The following FSIP1 variants were observed in gnomAD, a reference collection of about 807,000 sequenced individuals.
FSIP1 encodes the protein fibrous sheath-interacting protein 1.
A neutral mutation model predicts 60.9 loss-of-function variants in FSIP1; 65 were observed. The observed-to-expected ratio is 1.07, with a 90% CI of 0.87 to 1.31. The LOEUF is 1.31. FSIP1 is among the 40% of genes most tolerant of loss of function. The pLI is 0.00. For synonymous variants in FSIP1, 209 were observed against 221.2 expected, an observed-to-expected ratio of 0.94 and a Z score of 0.49; for missense variants, 675 against 665.5, an observed-to-expected ratio of 1.01 and a Z score of -0.16.
intron 10 of FSIP1, among the ~76,000 whole-genome samples, chr15:39,624,093 G>A (rs1891545493): frequency 6.6e-6 from 1 of 152,158 alleles, no homozygotes; most frequent in Non-Finnish European, 1.5e-5. Flanking sequence ...GTCCACCACT[G>A]GTCCAAACAT....
intron 10 of FSIP1, among the ~76,000 whole-genome samples, chr15:39,637,440 T>C (rs934974124): frequency 2.0e-5 from 3 of 152,164 alleles, no homozygotes; most frequent in Admixed American, 6.5e-5. Context: ...TTAAGGCTGC[T>C]CCTTCCACTG....
At chr15:39,681,060 A>G (rs1300044958) in intron 10 of FSIP1, among the ~76,000 whole-genome samples, 1 of 152,142 alleles carries the variant, frequency 6.6e-6, no homozygotes, top group Admixed American at 6.5e-5. Flanking sequence ...CCCTTCTACA[A>G]AGCATTCCAA....
chr15:39,684,897 G>T (rs1894303801), intron 10 of FSIP1, among the ~76,000 whole-genome samples: 1 of 152,160 alleles, frequency 6.6e-6, no homozygotes. Context: ...CTGGGGCATA[G>T]AGGGTCAAGT....
At chr15:39,648,324 A>G (rs1414504874) in intron 10 of FSIP1, among the ~76,000 whole-genome samples, 1 of 152,190 alleles carries the variant, frequency 6.6e-6, no homozygotes, top group Non-Finnish European at 1.5e-5. Flanking sequence ...GATATTTGCC[A>G]AATGTCCATA....
intron 11 of FSIP1, among the ~76,000 whole-genome samples, chr15:39,609,888 G>C (rs536696409): frequency 3.9e-5 from 6 of 152,336 alleles, no homozygotes; most frequent in Admixed American, 3.3e-4. Context: ...CAGCCAGCAG[G>C]CTGGCCCAAC....
At chr15:39,635,928 AT>A (rs888684856) in intron 10 of FSIP1, among the ~76,000 whole-genome samples, 8 of 150,594 alleles carry the variant, frequency 5.3e-5, no homozygotes, top group Non-Finnish European at 1.0e-4. Context: ...GAACAGCCAA[AT>A]TTTTTTTTTC....
chr15:39,738,292 G>T, intron 7 of FSIP1, 91 bp from the exon 8 acceptor site: 1 of 740,802 alleles, frequency 1.3e-6, no homozygotes, highest in Non-Finnish European at 2.2e-6. Flanking sequence ...CTACACTACA[G>T]ATACACAAAG....
chr15:39,617,068 G>T (rs1891257327), intron 11 of FSIP1, among the ~76,000 whole-genome samples: 1 of 152,106 alleles, frequency 6.6e-6, no homozygotes, highest in Non-Finnish European at 1.5e-5. Flanking sequence ...ATTTAATAAG[G>T]AATAGATTAA....
chr15:39,781,733 G>C (rs1898271234), intron 1 of FSIP1, among the ~76,000 whole-genome samples: 1 of 152,248 alleles, frequency 6.6e-6, no homozygotes, highest in Non-Finnish European at 1.5e-5. Context: ...CAGGGTGTTT[G>C]CTTCCATCAA....
chr15:39,695,463 T>C (rs1356433196), intron 10 of FSIP1, among the ~76,000 whole-genome samples: 2 of 152,124 alleles, frequency 1.3e-5, no homozygotes, highest in Non-Finnish European at 2.9e-5. Context: ...TTATTGTTTA[T>C]ATACTCCCAT....
chr15:39,743,656 TTAA>T (rs1344130818), intron 5 of FSIP1, among the ~76,000 whole-genome samples: 1 of 152,168 alleles, frequency 6.6e-6, no homozygotes, highest in African/African-American at 2.4e-5. Context: ...AGATAATTTA[TTAA>T]TTACCAAAGG....
chr15:39,700,999 A>G (rs1367423586), intron 10 of FSIP1, among the ~76,000 whole-genome samples: 1 of 152,110 alleles, frequency 6.6e-6, no homozygotes, highest in East Asian at 1.9e-4. Flanking sequence ...AAAAAATACA[A>G]AAATTAGCTG....
chr15:39,624,117 C>T lies in FSIP1; in HGVS notation c.1189-5872G>A, dbSNP rs61029226. On this transcript the variant is annotated intron_variant, in intron 10 of 11. Coordinates refer to ENST00000350221, the MANE Select transcript of FSIP1 (RefSeq NM_152597.5). ...TGGTCCAAACATCTGAACTGAGGGT[C>T]ACATGGTAGAAACACAACCATCCAA... 2.2e-3 allele frequency among the ~76,000 whole-genome samples: 339 copies of T among 152,324 alleles called. 1 individual carries two copies. Among genetic ancestry groups the T allele is most frequent in the Middle Eastern group, 0.01 (3 of 294 alleles).
intron 10 of FSIP1, among the ~76,000 whole-genome samples, chr15:39,662,587 G>A (rs1282860541): frequency 1.3e-5 from 2 of 151,970 alleles, no homozygotes; most frequent in African/African-American, 2.4e-5. Context: ...CAGCAGTGAG[G>A]TCTTCTCTAG....
chr15:39,690,514 TC>T (rs983125586), intron 10 of FSIP1, among the ~76,000 whole-genome samples: 4 of 152,192 alleles, frequency 2.6e-5, no homozygotes, highest in African/African-American at 9.7e-5. Context: ...TAGCAACAAT[TC>T]CAGTATCTCC....
chr15:39,613,500 C>T (rs1229351389), intron 11 of FSIP1, among the ~76,000 whole-genome samples: 1 of 152,148 alleles, frequency 6.6e-6, no homozygotes, highest in Non-Finnish European at 1.5e-5. Flanking sequence ...GGCCAGATGG[C>T]TTTACTACTG....
At chr15:39,738,309 T>C (rs1215931240) in intron 7 of FSIP1, 108 bp from the exon 8 acceptor site, 7 of 665,064 alleles carry the variant, frequency 1.1e-5, no homozygotes, top group Non-Finnish European at 1.7e-5. Flanking sequence ...AAAGAAAAGT[T>C]GCAAGATTAG....
intron 1 of FSIP1, among the ~76,000 whole-genome samples, 178 bp from the exon 2 acceptor site, chr15:39,776,709 A>G (rs967970212): frequency 2.0e-5 from 3 of 152,170 alleles, no homozygotes; most frequent in Admixed American, 2.0e-4. Flanking sequence ...GGATTGTTCA[A>G]TCTTATGCCA....
At chr15:39,613,488 A>T (rs1275877119) in intron 11 of FSIP1, among the ~76,000 whole-genome samples, 1 of 152,222 alleles carries the variant, frequency 6.6e-6, no homozygotes, top group Non-Finnish European at 1.5e-5. Flanking sequence ...AAAAAGGCCC[A>T]GGGCCAGATG....
Sources: gnomAD v4.1 joint callset for allele counts (sites outside exome capture counted in the v4.1 genomes callset) on GRCh38, gnomAD v4.1.1 for gene constraint, MANE v1.5 for transcripts, NCBI Gene and HGNC (gene_info 2026-07-23, HGNC 2026-07-21) for gene names.